Variants in TRIO observed in about 807,000 individuals in gnomAD.
The protein encoded by TRIO is triple functional domain protein.
A neutral mutation model predicts 351.9 loss-of-function variants in TRIO; 58 were observed. The observed-to-expected ratio is 0.16, with a 90% CI of 0.13 to 0.21. The LOEUF is 0.21. TRIO is among the 10% of genes least tolerant of loss of function. The pLI, the probability that TRIO is intolerant of heterozygous loss-of-function variation, is 1.00. For synonymous variants in TRIO, 1,758 were observed against 1,595.7 expected (o/e 1.10, Z -2.42); for missense variants, 3,201 against 4,027.8 (o/e 0.79, Z 5.56).
intron 8 of TRIO, 78 bp downstream of exon 8, chr5:14,304,670 A>AG (rs771815030): frequency 6.7e-7 from 1 of 1,489,826 alleles, no homozygotes; most frequent in South Asian, 1.3e-5. Flanking sequence ...GAAAAAAAAA[A>AG]GTTTTGGGTA....
chr5:14,173,848 C>T (rs1054767335), intron 1 of TRIO, among the ~76,000 whole-genome samples: 15 of 152,264 alleles, frequency 9.9e-5, no homozygotes, highest in Middle Eastern at 6.8e-3. Context: ...AAATTAGAAG[C>T]GTCTGTCTCT....
chr5:14,492,491 G>C lies in TRIO; in HGVS notation c.7633-76G>C. On this transcript the variant is annotated intron_variant, in intron 48 of 56. Transcript: ENST00000344204. ...GGGTCATGGTGCCATGGGGCACACT[G>C]ACAAGGGATTTCATGTGATCAGGTC... 9 of 1,571,274 alleles carry C rather than the reference G, an allele frequency of 5.7e-6. No individual in the cohort carries two copies. The Middle Eastern group carries it at 5.1e-4, about 89-fold the overall frequency.
At chr5:14,404,296 T>C (rs1288212414) in intron 31 of TRIO, among the ~76,000 whole-genome samples, 1 of 152,090 alleles carries the variant, frequency 6.6e-6, no homozygotes, top group African/African-American at 2.4e-5. Flanking sequence ...ACCCAGATTA[T>C]GAAATGAACT....
rs1386572383 is a variant in TRIO at position 14,351,995 on chromosome 5, A to G, written c.2047-6183A>G. On this transcript the variant is annotated intron_variant, in intron 11 of 56. Transcript: ENST00000344204. ...GAGGGGCCTTTTCATCTCAAAAGCT[A>G]GCTTTTCAAGGGGATTTCTTCCAGC... Among the ~76,000 whole-genome samples, 4 of 152,206 alleles carry G rather than the reference A, an allele frequency of 2.6e-5. No homozygotes were observed. In the East Asian group the frequency reaches 7.7e-4, roughly 29 times the overall value.
At chr5:14,152,401 C>T (rs771382062) in intron 1 of TRIO, among the ~76,000 whole-genome samples, 25 of 152,282 alleles carry the variant, frequency 1.6e-4, no homozygotes, top group African/African-American at 2.9e-4. Context: ...GATGGAGTCT[C>T]GCTCTGTCAC....
chr5:14,195,209 T>C (rs375680677), intron 1 of TRIO, among the ~76,000 whole-genome samples: 10 of 152,210 alleles, frequency 6.6e-5, no homozygotes, highest in African/African-American at 2.4e-4. Flanking sequence ...TCTTTAGTCT[T>C]TTTTAGTCTG....
At chr5:14,462,448 C>T (rs1355710060) in intron 35 of TRIO, among the ~76,000 whole-genome samples, 3 of 152,212 alleles carry the variant, frequency 2.0e-5, no homozygotes, top group African/African-American at 4.8e-5. Flanking sequence ...GGTTGTAGCT[C>T]AAATTTTTGA....
At chr5:14,325,183 G>A (rs1010447216) in intron 9 of TRIO, among the ~76,000 whole-genome samples, 6 of 152,248 alleles carry the variant, frequency 3.9e-5, no homozygotes, top group Non-Finnish European at 8.8e-5. Context: ...CACATCGTAT[G>A]TTGTTGTGAG....
At chr5:14,230,861 C>G (rs1793375375) in intron 1 of TRIO, among the ~76,000 whole-genome samples, 1 of 152,102 alleles carries the variant, frequency 6.6e-6, no homozygotes, top group Non-Finnish European at 1.5e-5. Context: ...ATATCACTTA[C>G]TTGCTTATTG....
At chr5:14,276,974 C>T (rs1461636456) in intron 2 of TRIO, among the ~76,000 whole-genome samples, 1 of 152,206 alleles carries the variant, frequency 6.6e-6, no homozygotes, top group East Asian at 1.9e-4. Context: ...TTAAAATAAA[C>T]CTCAGTTCCC....
intron 9 of TRIO, among the ~76,000 whole-genome samples, chr5:14,324,923 C>A (rs1415340861): frequency 6.6e-6 from 1 of 152,140 alleles, no homozygotes; most frequent in Non-Finnish European, 1.5e-5. Context: ...TGTAAGTACC[C>A]TCAGGTTAGG....
At chr5:14,435,030 C>T (rs1191499237) in intron 34 of TRIO, among the ~76,000 whole-genome samples, 1 of 152,234 alleles carries the variant, frequency 6.6e-6, no homozygotes, top group African/African-American at 2.4e-5. Flanking sequence ...GTCAGGGGTA[C>T]AGGGTATCCT....
chr5:14,318,689 G>A (rs1739599620), intron 9 of TRIO, among the ~76,000 whole-genome samples: 1 of 152,224 alleles, frequency 6.6e-6, no homozygotes, highest in South Asian at 2.1e-4. Context: ...GGTGAAGAGG[G>A]ATTGAGAGGA....
intron 7 of TRIO, among the ~76,000 whole-genome samples, chr5:14,302,896 G>C (rs1011822858): frequency 6.6e-6 from 1 of 152,354 alleles, no homozygotes; most frequent in Admixed American, 6.5e-5. Flanking sequence ...TGGGCCTTCC[G>C]CACTTGCCTT....
chr5:14,482,824 C>T (rs776692235), intron 46 of TRIO, 51 bp downstream of exon 46: 2 of 1,396,256 alleles, frequency 1.4e-6, no homozygotes, highest in Non-Finnish European at 1.9e-6. Context: ...GTACCCGTCA[C>T]ACCGATACAC....
intron 15 of TRIO, among the ~76,000 whole-genome samples, chr5:14,365,410 T>G (rs1362650651): frequency 6.6e-6 from 1 of 152,126 alleles, no homozygotes; most frequent in African/African-American, 2.4e-5. Context: ...AAAGTAAGTT[T>G]GGTTGGAGGG....
intron 1 of TRIO, among the ~76,000 whole-genome samples, chr5:14,242,336 C>T (rs1794177373): frequency 6.6e-6 from 1 of 152,186 alleles, no homozygotes; most frequent in African/African-American, 2.4e-5. Flanking sequence ...ATCATCTTAA[C>T]CTACAAATCT....
chr5:14,510,054 A>G lies in TRIO; in HGVS notation c.*1632A>G, dbSNP rs1443939142. 5 of 152,250 alleles carry G rather than the reference A, an allele frequency of 3.3e-5. No individual in the cohort carries two copies. The highest frequency in any genetic ancestry group is 1.2e-4 in the African/African-American group (5 of 41,526). 9.4% of individuals were successfully genotyped at this position (152,250 alleles called of 1,614,324 possible). A position where few individuals can be genotyped will look rare whatever the true frequency, so the allele number is the denominator to read the frequency against. On this transcript the variant is annotated 3_prime_UTR_variant, in exon 57 of 57. Transcript: ENST00000344204. ...GTAACCTCATAATTTTTATTTGTGT[A>G]TTGTTTCTTTTATTATTTCAGTTAA...
rs1554033510 is a variant in TRIO at position 14,207,523 on chromosome 5, T to TCCAC, written c.158-63302_158-63301insCCAC. Among the ~76,000 whole-genome samples the TCCAC allele has an allele frequency of 5.6e-5, 3 of 53,196 alleles. No individual in the cohort carries two copies. The East Asian group carries it at 1.9e-3, about 33-fold the overall frequency. The allele number at this position is 53,196 out of a possible 152,430, so 34.9% of individuals were successfully genotyped here. A position where few individuals can be genotyped will look rare whatever the true frequency, so the allele number is the denominator to read the frequency against. ...AGGTAGCATAGCAAGACTGTCTCTC[T>TCCAC]ACACACACACACACACACACACACA... On this transcript the variant is annotated intron_variant, in intron 1 of 56. Coordinates refer to ENST00000344204, the MANE Select transcript of TRIO (RefSeq NM_007118.4).
Sources: gnomAD v4.1 joint callset for allele counts (sites outside exome capture counted in the v4.1 genomes callset) on GRCh38, gnomAD v4.1.1 for gene constraint, MANE v1.5 for transcripts, NCBI Gene and HGNC (gene_info 2026-07-23, HGNC 2026-07-21) for gene names.